SYTL5: variants seen among roughly 807,000 people sequenced by gnomAD.
SYTL5 encodes synaptotagmin-like protein 5.
SYTL5 carries 34 observed loss-of-function variants against 55.9 expected under a neutral mutation model. The observed-to-expected ratio is 0.61, with a 90% CI of 0.46 to 0.81. SYTL5 has a LOEUF of 0.81. Ranked by LOEUF, SYTL5 falls within the 30% of genes least tolerant of loss-of-function variation. The probability of loss-of-function intolerance (pLI) is 0.00; values close to 1 mark genes in which losing one functional copy is unlikely to be tolerated. For missense variants in SYTL5, 637 were observed against 546.7 expected, an observed-to-expected ratio of 1.17 and a Z score of -1.65; for synonymous variants, 221 against 188.7, an observed-to-expected ratio of 1.17 and a Z score of -1.40.
intron 1 of SYTL5, among the ~76,000 whole-genome samples, chrX:38,023,062 G>A (rs995853649): frequency 8.9e-6 from 1 of 112,128 alleles, no homozygotes; most frequent in African/African-American, 3.2e-5. Flanking sequence ...AGACATCAAA[G>A]GGTATTCAGT....
At chrX:37,941,658 C>T in the SYTL5 span, among the ~76,000 whole-genome samples, 2 of 111,807 alleles carry the variant, frequency 1.8e-5, no homozygotes, top group East Asian at 5.6e-4. Flanking sequence ...ACCCCAACTT[C>T]TTTGACTGTC....
chrX:38,010,290 G>A (rs1168479584), intron 1 of SYTL5, among the ~76,000 whole-genome samples: 1 of 111,965 alleles, frequency 8.9e-6, no homozygotes, highest in Non-Finnish European at 1.9e-5. Flanking sequence ...GTGTGGTTAC[G>A]AGGTGAAAGC....
chrX:37,939,493 A>G, the SYTL5 span: 101 of 111,989 alleles, frequency 9.0e-4, no homozygotes, highest in African/African-American at 3.2e-3. Flanking sequence ...CTGGCTTAAG[A>G]TGAGACCTGG....
intron 3 of SYTL5, among the ~76,000 whole-genome samples, chrX:38,055,550 T>A (rs146605633): frequency 8.9e-6 from 1 of 111,906 alleles, no homozygotes; most frequent in African/African-American, 3.3e-5. Context: ...TTCCTGTGAA[T>A]CCAATTCATT....
At chrX:38,019,565 G>C (rs1934473058) in intron 1 of SYTL5, among the ~76,000 whole-genome samples, 1 of 111,993 alleles carries the variant, frequency 8.9e-6, no homozygotes, top group Non-Finnish European at 1.9e-5. Context: ...CTTGAAAACA[G>C]AACCTATGCA....
At chrX:37,950,133 G>A in the SYTL5 span, among the ~76,000 whole-genome samples, 1 of 111,516 alleles carries the variant, frequency 9.0e-6, no homozygotes, top group African/African-American at 3.3e-5. Context: ...ACTTCAAGAA[G>A]TTTGAAAGAT....
At chrX:38,101,773 A>G (rs1937093084) in intron 9 of SYTL5, among the ~76,000 whole-genome samples, 2 of 107,994 alleles carry the variant, frequency 1.9e-5, no homozygotes, top group African/African-American at 6.7e-5. Context: ...CCATTTATCT[A>G]TATTGCTTGA....
chrX:38,039,201 G>A (rs1362026850), intron 2 of SYTL5, among the ~76,000 whole-genome samples: 3 of 112,243 alleles, frequency 2.7e-5, no homozygotes, highest in Non-Finnish European at 5.6e-5. Flanking sequence ...TAAGCAGGAA[G>A]GAGTGGTAGG....
chrX:38,112,858 T>G (rs1219686680), intron 13 of SYTL5, among the ~76,000 whole-genome samples: 1 of 112,088 alleles, frequency 8.9e-6, no homozygotes, highest in Non-Finnish European at 1.9e-5. Context: ...TGAGCAGCCT[T>G]GGAGACTTGA....
chrX:37,925,645 G>T, the SYTL5 span, among the ~76,000 whole-genome samples: 4 of 110,916 alleles, frequency 3.6e-5, no homozygotes, highest in Non-Finnish European at 7.6e-5. Context: ...GGAACAGGTG[G>T]TATTTGGTTA....
At chrX:38,123,581 G>A (rs1272553638) in intron 15 of SYTL5, among the ~76,000 whole-genome samples, 2 of 111,845 alleles carry the variant, frequency 1.8e-5, no homozygotes, top group Non-Finnish European at 3.8e-5. Context: ...TTTGGATACT[G>A]CAGTTACAAT....
intron 3 of SYTL5, among the ~76,000 whole-genome samples, chrX:38,055,778 T>C (rs1003957950): frequency 5.4e-5 from 6 of 112,052 alleles, no homozygotes; most frequent in African/African-American, 1.9e-4. Flanking sequence ...TGATCCTGAA[T>C]AGAGCAATTC....
chrX:38,091,487 T>C (rs1164068051), intron 7 of SYTL5, among the ~76,000 whole-genome samples: 1 of 111,200 alleles, frequency 9.0e-6, no homozygotes, highest in African/African-American at 3.3e-5. Context: ...CTGGCAGGGA[T>C]GTTGAGAAAT....
the SYTL5 span, chrX:37,939,489 T>G: frequency 7.3e-4 from 82 of 111,954 alleles, no homozygotes; most frequent in African/African-American, 2.6e-3. Context: ...GGGCCTGGCT[T>G]AAGATGAGAC....
intron 13 of SYTL5, among the ~76,000 whole-genome samples, chrX:38,112,818 A>G (rs1019546886): frequency 1.8e-5 from 2 of 111,933 alleles, no homozygotes; most frequent in Non-Finnish European, 3.8e-5. Flanking sequence ...TTTCCATGCA[A>G]TTGTCACTCC....
chrX:37,978,464 T>C, the SYTL5 span, among the ~76,000 whole-genome samples: 7 of 112,218 alleles, frequency 6.2e-5, no homozygotes, highest in African/African-American at 2.3e-4. Flanking sequence ...CCAGGCTCTG[T>C]CTTTTCCCAG....
upstream of SYTL5, among the ~76,000 whole-genome samples, chrX:38,004,996 CT>C (rs1224140217): frequency 9.0e-6 from 1 of 111,236 alleles, no homozygotes; most frequent in Non-Finnish European, 1.9e-5. Flanking sequence ...CTGATGTGAT[CT>C]TTATATATTG....
chrX:38,094,276 A>T lies in SYTL5; in HGVS notation c.832-19A>T, dbSNP rs1268964632. ...TTACAGTCAGTATAATTTTTTTCTC[A>T]TTTTTACTTTGTGGGAAGGAGTATG... is the stretch of plus-strand genomic sequence containing the variant. On this transcript the variant is annotated intron_variant, in intron 7 of 16. Coordinates refer to ENST00000297875, the MANE Select transcript of SYTL5 (RefSeq NM_138780.3). The T allele has an allele frequency of 8.5e-7, 1 of 1,181,417 alleles. No homozygotes were observed. Among genetic ancestry groups the T allele is most frequent in the Admixed American group, 2.2e-5 (1 of 44,710 alleles).
the SYTL5 span, among the ~76,000 whole-genome samples, chrX:37,977,704 A>T: frequency 8.2e-5 from 1 of 12,183 alleles, no homozygotes; most frequent in African/African-American, 3.9e-4. Context: ...CAATGATCAC[A>T]CACACACACA....
Sources: allele counts gnomAD v4.1 joint callset (sites outside exome capture counted in the v4.1 genomes callset), GRCh38; gene constraint gnomAD v4.1.1; transcripts MANE v1.5; gene names NCBI Gene and HGNC (gene_info 2026-07-23, HGNC 2026-07-21).